The following RICTOR variants were observed in gnomAD, a reference collection of about 807,000 sequenced individuals.
The protein encoded by RICTOR is rapamycin-insensitive companion of mTOR.
In RICTOR, 49 loss-of-function variants were observed where a neutral mutation model predicts 214.9. The observed-to-expected ratio is 0.23, with a 90% CI of 0.18 to 0.29. RICTOR has a LOEUF of 0.29. Ranked by LOEUF, RICTOR falls within the 10% of genes least tolerant of loss-of-function variation. The pLI, the probability that RICTOR is intolerant of heterozygous loss-of-function variation, is 1.00. For synonymous variants in RICTOR, 717 were observed against 711.3 expected, an observed-to-expected ratio of 1.01 and a Z score of -0.13; for missense variants, 1,625 against 2,047.0, an observed-to-expected ratio of 0.79 and a Z score of 3.98.
intron 2 of RICTOR, among the ~76,000 whole-genome samples, chr5:39,064,379 C>G (rs564951612): frequency 6.6e-6 from 1 of 152,116 alleles, no homozygotes; most frequent in African/African-American, 2.4e-5. Flanking sequence ...AAAATCTGTG[C>G]TAATAATTCA....
At chr5:39,035,662 C>T (rs977614793) in intron 2 of RICTOR, among the ~76,000 whole-genome samples, 5 of 152,110 alleles carry the variant, frequency 3.3e-5, no homozygotes, top group Non-Finnish European at 4.4e-5. Flanking sequence ...GGCACGAGAA[C>T]GTGACGAAGG....
chr5:38,950,743 T>A (rs778315592), intron 30 of RICTOR, 23 bp from the exon 31 acceptor site: 16 of 1,522,728 alleles, frequency 1.1e-5, no homozygotes, highest in Admixed American at 9.0e-5. Flanking sequence ...GATCAATTAA[T>A]AAAAACACAT....
intron 36 of RICTOR, 34 bp downstream of exon 36, chr5:38,944,411 TA>T: frequency 6.3e-7 from 1 of 1,577,644 alleles, no homozygotes; most frequent in Non-Finnish European, 8.6e-7. Context: ...AAAAACAGAA[TA>T]AACAAATAAT....
intron 2 of RICTOR, among the ~76,000 whole-genome samples, chr5:39,034,603 G>T (rs1215505996): frequency 2.0e-5 from 3 of 152,178 alleles, no homozygotes; most frequent in Non-Finnish European, 4.4e-5. Context: ...TGGAAAATCG[G>T]GTCACTCACA....
chr5:38,990,747 G>GAT (rs1258528025), intron 7 of RICTOR, among the ~76,000 whole-genome samples: 2 of 23,080 alleles, frequency 8.7e-5, no homozygotes, highest in African/African-American at 2.9e-4. Flanking sequence ...ATATATATGA[G>GAT]ATATATGATA....
Position 39,074,358 on chromosome 5 carries a change from C to G in RICTOR, c.20G>C (p.Gly7Ala), listed in dbSNP as rs1317173806. The G allele has an allele frequency of 6.5e-7, 1 of 1,538,572 alleles. No homozygotes were observed. The highest frequency in any genetic ancestry group is 8.8e-7 in the Non-Finnish European group (1 of 1,142,064). ...TACTCGGAGGTTCTTCAGAGAGCGG[C>G]CGCGGCCGATCGCCGCCATATTGAC... MAAIGR[G>A]RSLKNLRVRG... is the part of the protein sequence containing the mutation. Residue 7 changes from glycine to alanine, a missense_variant, in exon 1 of 38, where the codon GGC becomes GCC. Gly to Ala is a moderately conservative substitution (Grantham distance 60). This residue lies in a region of RICTOR where 71 missense variants were observed against 57.9 expected (regional missense o/e 1.23). Coordinates refer to ENST00000357387, the MANE Select transcript of RICTOR (RefSeq NM_152756.5).
At chr5:39,062,429 T>G (rs1394184700) in intron 2 of RICTOR, among the ~76,000 whole-genome samples, 1 of 151,992 alleles carries the variant, frequency 6.6e-6, no homozygotes, top group East Asian at 1.9e-4. Flanking sequence ...TTTTTTTTCT[T>G]CTTGAGGGAG....
intron 10 of RICTOR, among the ~76,000 whole-genome samples, chr5:38,974,556 G>A (rs1751050251): frequency 1.3e-5 from 2 of 151,932 alleles, no homozygotes; most frequent in South Asian, 2.1e-4. Flanking sequence ...GGAAGATGAG[G>A]AGTGGTAAAG....
chr5:38,981,719 G>A (rs1055438090), intron 8 of RICTOR, 148 bp downstream of exon 8: 14 of 547,976 alleles, frequency 2.6e-5, no homozygotes, highest in Non-Finnish European at 3.8e-5. Flanking sequence ...TGAATGATCT[G>A]TAAAACAGAG....
chr5:38,970,710 TAAGAA>T (rs1165108638), intron 11 of RICTOR: 4 of 152,222 alleles, frequency 2.6e-5, no homozygotes, highest in Admixed American at 2.6e-4. Context: ...AAAATCACTT[TAAGAA>T]TTCTCTTTTC....
chr5:39,070,982 C>G (rs941174031), intron 2 of RICTOR, among the ~76,000 whole-genome samples: 1 of 152,180 alleles, frequency 6.6e-6, no homozygotes, highest in African/African-American at 2.4e-5. Flanking sequence ...GTAAAGTCTA[C>G]TATAATGAAG....
intron 3 of RICTOR, among the ~76,000 whole-genome samples, chr5:39,018,431 C>T (rs759463170): frequency 5.3e-5 from 8 of 152,128 alleles, no homozygotes; most frequent in Non-Finnish European, 1.0e-4. Context: ...CTGTTTTTTA[C>T]ACATTGAAGG....
chr5:38,947,956 A>T (rs903138756), intron 31 of RICTOR, among the ~76,000 whole-genome samples: 3 of 152,160 alleles, frequency 2.0e-5, no homozygotes, highest in Admixed American at 2.0e-4. Flanking sequence ...AGACAGACAC[A>T]AGAGCAAAAT....
intron 33 of RICTOR, 93 bp from the exon 34 acceptor site, chr5:38,945,817 C>T (rs62352642): frequency 0.19 from 114,510 of 604,542 alleles, 11,474 homozygotes; most frequent in East Asian, 0.25. Flanking sequence ...AGCTTAAGCA[C>T]ATTTTATGAC....
chr5:38,973,744 T>C (rs1387913629), intron 10 of RICTOR, among the ~76,000 whole-genome samples: 1 of 152,124 alleles, frequency 6.6e-6, no homozygotes, highest in Non-Finnish European at 1.5e-5. Context: ...GTTTGAGAAA[T>C]TACAGATAAG....
chr5:39,074,190 G>C (rs774317070), intron 1 of RICTOR, 32 bp from the exon 2 acceptor site: 2 of 1,591,390 alleles, frequency 1.3e-6, no homozygotes, highest in African/African-American at 2.8e-5. Flanking sequence ...CCCCAATTAG[G>C]ATTGGCTCGC....
At chr5:38,972,801 A>G (rs555651185) in intron 10 of RICTOR, among the ~76,000 whole-genome samples, 1 of 151,864 alleles carries the variant, frequency 6.6e-6, no homozygotes, top group South Asian at 2.1e-4. Flanking sequence ...AAAAGTTTGT[A>G]TGGAATTGCT....
intron 2 of RICTOR, among the ~76,000 whole-genome samples, chr5:39,037,193 T>C (rs1434585123): frequency 6.6e-6 from 1 of 152,118 alleles, no homozygotes; most frequent in African/African-American, 2.4e-5. Flanking sequence ...ACATGGAAAC[T>C]AAACAACCTG....
chr5:39,052,778 G>A (rs887189774), intron 2 of RICTOR, among the ~76,000 whole-genome samples: 2 of 152,110 alleles, frequency 1.3e-5, no homozygotes, highest in Non-Finnish European at 2.9e-5. Flanking sequence ...TCCTTCTTTT[G>A]TTAAAAGTCT....
Sources: gnomAD v4.1 joint callset for allele counts (sites outside exome capture counted in the v4.1 genomes callset) on GRCh38, gnomAD v4.1.1 for gene constraint, gnomAD v4.1.1 regional missense constraint, MANE v1.5 for transcripts, NCBI Gene and HGNC (gene_info 2026-07-23, HGNC 2026-07-21) for gene names.